The following ROBO2 variants were observed in gnomAD, a reference collection of about 807,000 sequenced individuals.
ROBO2 encodes roundabout guidance receptor 2, also known as roundabout homolog 2.
ROBO2 carries 53 observed loss-of-function variants against 160.8 expected under a neutral mutation model. The ratio of observed to expected loss-of-function variants is 0.33; its 90% CI spans 0.26 to 0.41. The LOEUF (loss-of-function observed/expected upper bound fraction) is 0.41. ROBO2 is among the 10% of genes least tolerant of loss of function. ROBO2 has a pLI of 1.00. For missense variants in ROBO2, 1,577 were observed against 1,722.4 expected (o/e 0.92, Z 1.49); for synonymous variants, 664 against 611.7 (o/e 1.09, Z -1.26).
chr3:76,552,481 A>C (rs2108372981), intron 2 of ROBO2, among the ~76,000 whole-genome samples: 3 of 152,360 alleles, frequency 2.0e-5, no homozygotes, highest in Middle Eastern at 6.8e-3. Flanking sequence ...TCATATAATT[A>C]ATCCACAGCT....
chr3:77,231,679 G>A (rs1189888930), intron 2 of ROBO2, among the ~76,000 whole-genome samples: 6 of 151,862 alleles, frequency 4.0e-5, no homozygotes, highest in African/African-American at 9.7e-5. Flanking sequence ...TTACCCCGCC[G>A]AAAATCCCGA....
chr3:77,169,222 A>G (rs1180808928), intron 2 of ROBO2, among the ~76,000 whole-genome samples: 2 of 152,218 alleles, frequency 1.3e-5, no homozygotes, highest in East Asian at 1.9e-4. Context: ...TAAAGTGATT[A>G]TTTAACATTG....
intron 2 of ROBO2, among the ~76,000 whole-genome samples, chr3:76,554,649 C>G (rs2083602034): frequency 6.6e-6 from 1 of 151,866 alleles, no homozygotes; most frequent in Non-Finnish European, 1.5e-5. Flanking sequence ...TTCTTGAGCT[C>G]CATCATCTAG....
chr3:77,345,612 C>A (rs1023091809), intron 2 of ROBO2, among the ~76,000 whole-genome samples: 11 of 152,228 alleles, frequency 7.2e-5, no homozygotes, highest in African/African-American at 2.6e-4. Flanking sequence ...CTTTAAACCT[C>A]TGTATCTATA....
chr3:77,224,154 A>G (rs1223241730), intron 2 of ROBO2, among the ~76,000 whole-genome samples: 1 of 152,014 alleles, frequency 6.6e-6, no homozygotes, highest in African/African-American at 2.4e-5. Flanking sequence ...AACATTGTCT[A>G]TTAATGTGTT....
chr3:76,083,535 GA>G (rs1442306689), intron 2 of ROBO2, among the ~76,000 whole-genome samples: 1 of 152,058 alleles, frequency 6.6e-6, no homozygotes, highest in Non-Finnish European at 1.5e-5. Context: ...ACTAGTTTGT[GA>G]TTTTTGCATT....
Position 76,752,620 on chromosome 3 carries a change from A to C in ROBO2, c.110-345394A>C, listed in dbSNP as rs145699044. On this transcript the variant is annotated intron_variant, in intron 2 of 26. Coordinates refer to the ROBO2 transcript ENST00000487694. ...AAAGAATTAGAATCACATTACAGAA[A>C]ATATATTCCCCAAAGAGACCAGTCC... 4.5e-3 allele frequency among the ~76,000 whole-genome samples: 683 copies of C among 151,812 alleles called. 4 individuals carry two copies. Among genetic ancestry groups the C allele is most frequent in the African/African-American group, 0.016 (654 of 41,472 alleles).
intron 2 of ROBO2, among the ~76,000 whole-genome samples, chr3:76,295,849 A>G (rs1320201597): frequency 6.6e-6 from 1 of 152,172 alleles, no homozygotes; most frequent in Admixed American, 6.5e-5. Flanking sequence ...TAGTAGTCAC[A>G]TTCTTTAGCT....
At chr3:76,680,931 C>T (rs1236892534) in intron 2 of ROBO2, among the ~76,000 whole-genome samples, 1 of 152,016 alleles carries the variant, frequency 6.6e-6, no homozygotes, top group Non-Finnish European at 1.5e-5. Flanking sequence ...GATGCACCAT[C>T]ACGCCCAGCT....
intron 16 of ROBO2, among the ~76,000 whole-genome samples, chr3:77,583,674 T>C (rs547399383): frequency 6.6e-4 from 100 of 152,162 alleles, no homozygotes; most frequent in Admixed American, 1.5e-3. Flanking sequence ...TGATTATCTT[T>C]TCTGCTGACC....
In ROBO2 at chr3:77,009,945, T is replaced by TAAAA. The variant is rs11436984; in HGVS notation, c.110-88050_110-88047dup. On this transcript the variant is annotated intron_variant, in intron 2 of 26. Coordinates refer to the ROBO2 transcript ENST00000487694. ...TGAGTGACAGAGTGAGACTCTGTCT[T>TAAAA]AAAAAAAAAAAAAAAAAAAAAAGTC... Among the ~76,000 whole-genome samples, 94 of 104,440 alleles carry TAAAA rather than the reference T, an allele frequency of 9.0e-4. 1 individual carries two copies. The South Asian group carries it at 0.012, about 13-fold the overall frequency. 68.5% of individuals were successfully genotyped at this position (104,440 alleles called of 152,430 possible).
At chr3:77,180,416 C>CTCTCTCTCTCTCTCTCTCTCTA (rs1433740534) in intron 2 of ROBO2, among the ~76,000 whole-genome samples, 6 of 90,708 alleles carry the variant, frequency 6.6e-5, no homozygotes, top group Non-Finnish European at 1.4e-4. Context: ...CTCTCTCTCT[C>CTCTCTCTCTCTCTCTCTCTCTA]TATATATATA....
intron 2 of ROBO2, among the ~76,000 whole-genome samples, chr3:76,051,881 G>A (rs553628691): frequency 8.8e-4 from 132 of 149,442 alleles, no homozygotes; most frequent in African/African-American, 2.6e-3. Flanking sequence ...CTTATTTAGA[G>A]TTTTGAAGAG....
At chr3:77,564,317 G>C (rs1462549280) in intron 11 of ROBO2, 1 of 347,410 alleles carries the variant, frequency 2.9e-6, no homozygotes, top group Non-Finnish European at 5.7e-6. Flanking sequence ...GCTGTAAATG[G>C]GTCCTCACAC....
intron 1 of ROBO2, among the ~76,000 whole-genome samples, chr3:77,074,575 G>T (rs2067754458): frequency 6.6e-6 from 1 of 152,136 alleles, no homozygotes; most frequent in African/African-American, 2.4e-5. Flanking sequence ...GATACAGCTA[G>T]TTCAATTTAG....
chr3:77,027,973 G>A (rs2063079605), intron 2 of ROBO2, among the ~76,000 whole-genome samples: 1 of 151,994 alleles, frequency 6.6e-6, no homozygotes, highest in Non-Finnish European at 1.5e-5. Flanking sequence ...AAATCACATG[G>A]CTTTCTCTAG....
At chr3:76,875,855 T>C (rs745455360) in intron 2 of ROBO2, among the ~76,000 whole-genome samples, 22 of 152,092 alleles carry the variant, frequency 1.4e-4, no homozygotes, top group Non-Finnish European at 2.8e-4. Flanking sequence ...GGTTTCACCA[T>C]GTTGACCAGG....
At chr3:75,913,883 G>T (rs1167424866) in intron 1 of ROBO2, among the ~76,000 whole-genome samples, 2 of 152,136 alleles carry the variant, frequency 1.3e-5, no homozygotes, top group Non-Finnish European at 2.9e-5. Context: ...AACATTCGTT[G>T]TGAATATTTT....
At chr3:77,419,633 T>C (rs1233581203) in intron 2 of ROBO2, among the ~76,000 whole-genome samples, 1 of 152,144 alleles carries the variant, frequency 6.6e-6, no homozygotes, top group Non-Finnish European at 1.5e-5. Context: ...TATAAAAATA[T>C]TATGTGCTAC....
Sources: allele counts gnomAD v4.1 joint callset (sites outside exome capture counted in the v4.1 genomes callset), GRCh38; gene constraint gnomAD v4.1.1; transcripts MANE v1.5; gene names NCBI Gene and HGNC (gene_info 2026-07-23, HGNC 2026-07-21).